LDLRAD4: variants seen among roughly 807,000 people sequenced by gnomAD.
The protein encoded by LDLRAD4 is low-density lipoprotein receptor class A domain-containing protein 4.
Under a neutral mutation model 17.0 loss-of-function variants are expected in LDLRAD4, and 5 were observed. The observed-to-expected ratio is 0.29, with a 90% CI of 0.15 to 0.62. The LOEUF is 0.62. Ranked by LOEUF, LDLRAD4 falls within the 20% of genes least tolerant of loss-of-function variation. The pLI is 0.84. For synonymous variants in LDLRAD4, 168 were observed against 171.8 expected (o/e 0.98, Z 0.17); for missense variants, 340 against 424.7 (o/e 0.80, Z 1.75).
intron 3 of LDLRAD4, among the ~76,000 whole-genome samples, chr18:13,569,079 T>A (rs904390935): frequency 3.3e-5 from 5 of 151,804 alleles, no homozygotes; most frequent in African/African-American, 9.7e-5. Context: ...AAAAAAAAAA[T>A]GATTATAAGA....
At chr18:13,590,920 C>A (rs1007769153) in intron 3 of LDLRAD4, among the ~76,000 whole-genome samples, 5 of 152,128 alleles carry the variant, frequency 3.3e-5, no homozygotes, top group African/African-American at 1.2e-4. Flanking sequence ...TGAGTTGGTG[C>A]CCTTGAGGCT....
chr18:13,456,011 G>T (rs1042216319), intron 3 of LDLRAD4, among the ~76,000 whole-genome samples: 16 of 152,266 alleles, frequency 1.1e-4, no homozygotes, highest in East Asian at 1.9e-4. Context: ...CGCGCTGTCT[G>T]CATTGTTAGG....
chr18:13,435,800 C>G (rs2090616713), intron 2 of LDLRAD4, among the ~76,000 whole-genome samples: 1 of 152,174 alleles, frequency 6.6e-6, no homozygotes. Context: ...AAGTAAGAGC[C>G]AAGCACATTA....
intron 3 of LDLRAD4, chr18:13,612,203 C>T: frequency 1.0e-6 from 1 of 988,630 alleles, no homozygotes; most frequent in Non-Finnish European, 1.2e-6. Flanking sequence ...TTACTGAACG[C>T]AGTGTGACAA....
chr18:13,539,794 G>C (rs1211602882), intron 3 of LDLRAD4, among the ~76,000 whole-genome samples: 19 of 152,132 alleles, frequency 1.2e-4, no homozygotes, highest in Admixed American at 1.2e-3. Context: ...AGAATTCACT[G>C]TCTAATTATA....
At chr18:13,643,937 A>ATTAT in intron 5 of LDLRAD4, among the ~76,000 whole-genome samples, 1 of 152,386 alleles carries the variant, frequency 6.6e-6, no homozygotes, top group East Asian at 1.9e-4. Flanking sequence ...CGTATATAAA[A>ATTAT]GAGCCGTCTC....
intron 1 of LDLRAD4, among the ~76,000 whole-genome samples, chr18:13,308,586 G>A (rs530332873): frequency 6.6e-6 from 1 of 152,296 alleles, no homozygotes; most frequent in East Asian, 1.9e-4. Context: ...TGGTAGACTG[G>A]GTCACCACAG....
At chr18:13,586,290 C>A (rs1464235808) in intron 3 of LDLRAD4, among the ~76,000 whole-genome samples, 1 of 150,108 alleles carries the variant, frequency 6.7e-6, no homozygotes, top group Non-Finnish European at 1.5e-5. Flanking sequence ...CGTCTGTAAT[C>A]CCAGCTACTG....
intron 3 of LDLRAD4, among the ~76,000 whole-genome samples, chr18:13,532,208 T>G (rs2094139241): frequency 6.6e-6 from 1 of 152,144 alleles, no homozygotes; most frequent in African/African-American, 2.4e-5. Flanking sequence ...GGTGGACGGC[T>G]CCTGCAATTG....
chr18:13,585,328 A>G (rs1487704007), intron 3 of LDLRAD4: 2 of 152,208 alleles, frequency 1.3e-5, no homozygotes, highest in Non-Finnish European at 2.9e-5. Context: ...ATCTTCGGTG[A>G]TAAATAACAG....
At chr18:13,313,499 T>G (rs1198916650) in intron 1 of LDLRAD4, among the ~76,000 whole-genome samples, 1 of 152,196 alleles carries the variant, frequency 6.6e-6, no homozygotes, top group Non-Finnish European at 1.5e-5. Context: ...CGTTTTTATC[T>G]CTGGTGAACC....
chr18:13,373,727 A>T (rs1198867693), intron 1 of LDLRAD4, among the ~76,000 whole-genome samples: 1 of 152,206 alleles, frequency 6.6e-6, no homozygotes, highest in Non-Finnish European at 1.5e-5. Flanking sequence ...CTGGCAGTTT[A>T]TGTGGTATTT....
chr18:13,586,799 A>T (rs563732557), intron 3 of LDLRAD4, among the ~76,000 whole-genome samples: 2 of 151,782 alleles, frequency 1.3e-5, no homozygotes, highest in South Asian at 4.2e-4. Context: ...AGTTGGGAGA[A>T]ACCCTTGACC....
chr18:13,645,627 C>A lies in LDLRAD4; in HGVS notation c.891C>A (p.Gly297=), dbSNP rs1307180133. ...AGAGCACAATAGTACCCATCAAAGG[C>A]AAAGATAGGAAGCCTGGGAACCTGG... The change falls in exon 6 of 6, where the codon GGC becomes GGA. Residue 297 remains glycine (G), a synonymous_variant. Transcript: ENST00000359446. This position sits in a 1 kb window ranked among gnomAD's most constrained non-coding sequence, Gnocchi z 5.7. 6.6e-7 allele frequency: 1 copy of A among 1,516,560 alleles called. No homozygotes were observed. The highest frequency in any genetic ancestry group is 1.3e-5 in the South Asian group (1 of 75,162). 93.9% of individuals were successfully genotyped at this position (1,516,560 alleles called of 1,614,324 possible).
At chr18:13,600,195 T>G (rs1162381691) in intron 3 of LDLRAD4, among the ~76,000 whole-genome samples, 1 of 152,244 alleles carries the variant, frequency 6.6e-6, no homozygotes, top group East Asian at 1.9e-4. Flanking sequence ...CCTGTGATTT[T>G]TTGGATATTG....
At chr18:13,436,050 T>G (rs1239464514) in intron 2 of LDLRAD4, among the ~76,000 whole-genome samples, 1 of 152,268 alleles carries the variant, frequency 6.6e-6, no homozygotes, top group Non-Finnish European at 1.5e-5. Context: ...GATCAAATTA[T>G]TCATTTATTC....
chr18:13,293,423 C>T (rs967800431), intron 1 of LDLRAD4, among the ~76,000 whole-genome samples: 1 of 152,164 alleles, frequency 6.6e-6, no homozygotes, highest in Non-Finnish European at 1.5e-5. Flanking sequence ...TGAACAGATA[C>T]CGAAATTATT....
chr18:13,557,417 T>C (rs1426453669), intron 3 of LDLRAD4, among the ~76,000 whole-genome samples: 1 of 152,256 alleles, frequency 6.6e-6, no homozygotes, highest in Non-Finnish European at 1.5e-5. Flanking sequence ...CCTTTTTTTT[T>C]TGAGATTGAG....
intron 1 of LDLRAD4, among the ~76,000 whole-genome samples, chr18:13,365,493 G>A (rs1227289993): frequency 1.3e-5 from 2 of 152,164 alleles, no homozygotes; most frequent in African/African-American, 2.4e-5. Context: ...TCCACCTTTC[G>A]TGCATAAGAA....
Sources: gnomAD v4.1 joint callset for allele counts (sites outside exome capture counted in the v4.1 genomes callset) on GRCh38, gnomAD v4.1.1 for gene constraint, Gnocchi (gnomAD v3.1) non-coding constraint, MANE v1.5 for transcripts, NCBI Gene and HGNC (gene_info 2026-07-23, HGNC 2026-07-21) for gene names.